The following ALPK1 variants were observed in gnomAD, a reference collection of about 807,000 sequenced individuals.
The protein encoded by ALPK1 is alpha-protein kinase 1.
Under a neutral mutation model 120.6 loss-of-function variants are expected in ALPK1, and 110 were observed. That is an observed-to-expected ratio of 0.91 (90% confidence interval 0.78 to 1.07). The LOEUF is 1.07. Among genes scored for constraint, ALPK1 ranks in the 50% least tolerant of loss-of-function variants. The pLI is 0.00. For missense variants in ALPK1, 1,498 were observed against 1,483.9 expected (o/e 1.01, Z -0.16); for synonymous variants, 582 against 560.3 (o/e 1.04, Z -0.55).
intron 12 of ALPK1, among the ~76,000 whole-genome samples, chr4:112,436,774 C>T (rs796531948): frequency 1.3e-4 from 20 of 152,218 alleles, no homozygotes; most frequent in African/African-American, 4.8e-4. Flanking sequence ...GTTATTTACG[C>T]CACCCAGTTT....
chr4:112,423,400 C>T (rs1195136819), intron 5 of ALPK1, among the ~76,000 whole-genome samples: 1 of 152,130 alleles, frequency 6.6e-6, no homozygotes, highest in Non-Finnish European at 1.5e-5. Flanking sequence ...TCATGTAGGG[C>T]TTAGAGGAAC....
At chr4:112,299,861 G>C (rs912344234) in intron 1 of ALPK1, among the ~76,000 whole-genome samples, 35 of 152,286 alleles carry the variant, frequency 2.3e-4, no homozygotes, top group African/African-American at 7.7e-4. Context: ...TAGAAAGGGT[G>C]AAATGTCTCA....
intron 2 of ALPK1, among the ~76,000 whole-genome samples, chr4:112,375,180 CTT>C (rs200078535): frequency 0.04 from 5,043 of 127,274 alleles, 80 homozygotes; most frequent in African/African-American, 0.047. Flanking sequence ...TGATGTTTTT[CTT>C]TTTTTTTTTT....
chr4:112,358,178 C>T, intron 2 of ALPK1: 1 of 622,434 alleles, frequency 1.6e-6, no homozygotes, highest in Non-Finnish European at 3.0e-6. Flanking sequence ...GGCCATCGGG[C>T]AAGTGATCTG....
At chr4:112,356,151 T>G in intron 2 of ALPK1, 1 of 1,604,690 alleles carries the variant, frequency 6.2e-7, no homozygotes, top group Non-Finnish European at 8.5e-7. Flanking sequence ...AAGATAGTCC[T>G]GAATGGTGTG....
intron 1 of ALPK1, among the ~76,000 whole-genome samples, chr4:112,310,191 A>G (rs1728330608): frequency 6.6e-6 from 1 of 152,098 alleles, no homozygotes; most frequent in African/African-American, 2.4e-5. Flanking sequence ...CTAGCTCACA[A>G]GTGAAATTTT....
At chr4:112,440,184 G>A (rs192982816) in intron 14 of ALPK1, among the ~76,000 whole-genome samples, 10 of 152,014 alleles carry the variant, frequency 6.6e-5, no homozygotes, top group African/African-American at 1.4e-4. Context: ...TGTATATTTC[G>A]TTGCATTTTT....
At chr4:112,344,252 C>G (rs1357866276) in intron 2 of ALPK1, among the ~76,000 whole-genome samples, 1 of 144,276 alleles carries the variant, frequency 6.9e-6, no homozygotes, top group African/African-American at 2.5e-5. Context: ...ACAAAACTCC[C>G]TCGCACTTGG....
intron 13 of ALPK1, among the ~76,000 whole-genome samples, chr4:112,438,999 T>A (rs565694067): frequency 6.6e-6 from 1 of 152,310 alleles, no homozygotes; most frequent in South Asian, 2.1e-4. Context: ...TCTATCTTTA[T>A]CTAACTTCTG....
At position 112,432,325 on chromosome 4, in the gene ALPK1, A is replaced by T; in HGVS notation, c.2778A>T (p.Ser926=). The change falls in exon 11 of 16, where the codon TCA becomes TCT. Residue 926 remains serine (S), a synonymous_variant. Transcript: ENST00000650871. Reference sequence around the variant, plus strand: ...TAAACTGCAGCCAGAACTCCAGCTCATCCTCAGTGTGGTGGCTGAAATCAC... The same window carrying T: ...TAAACTGCAGCCAGAACTCCAGCTCTTCCTCAGTGTGGTGGCTGAAATCAC... ...NMLNCSQNSS[S]SSVWWLKSPA... 2 of 1,614,204 alleles carry T rather than the reference A, an allele frequency of 1.2e-6. No homozygotes were observed. The highest frequency in any genetic ancestry group is 1.7e-6 in the Non-Finnish European group (2 of 1,180,030).
Position 112,431,363 on chromosome 4 carries a change from T to G in ALPK1, c.1816T>G (p.Ser606Ala). 6.2e-7 allele frequency: 1 copy of G among 1,614,198 alleles called. No homozygotes were observed. Among genetic ancestry groups the G allele is most frequent in the Non-Finnish European group, 8.5e-7 (1 of 1,180,040 alleles). The change falls in exon 11 of 16, where the codon TCA becomes GCA. Residue 606 changes from serine (S) to alanine (A), a missense_variant. Physicochemically the swap from Ser to Ala is moderately conservative, Grantham distance 99. Transcript: ENST00000650871. ...AGTGAATTATCACGTTGACGACAGGTCAGCCAGAAAAGAGCCTGGCAAAGA... is the reference window on the plus strand; with the variant it reads ...AGTGAATTATCACGTTGACGACAGGGCAGCCAGAAAAGAGCCTGGCAAAGA... ...EEVNYHVDDR[S>A]ARKEPGKEHL...
intron 4 of ALPK1, among the ~76,000 whole-genome samples, chr4:112,385,417 G>A (rs1046637731): frequency 5.3e-5 from 8 of 152,180 alleles, no homozygotes; most frequent in African/African-American, 1.7e-4. Flanking sequence ...GCAGCTCTAA[G>A]GGGCGCTGTC....
At chr4:112,377,392 A>G (rs1181636233) in intron 2 of ALPK1, among the ~76,000 whole-genome samples, 1 of 152,160 alleles carries the variant, frequency 6.6e-6, no homozygotes, top group Non-Finnish European at 1.5e-5. Flanking sequence ...CAGAAGATAA[A>G]TCATGCAGTA....
At chr4:112,297,674 G>A (rs1727599795) in intron 1 of ALPK1, among the ~76,000 whole-genome samples, 1 of 148,766 alleles carries the variant, frequency 6.7e-6, no homozygotes, top group South Asian at 2.2e-4. Flanking sequence ...GTGGAGTGGG[G>A]AAGGGGAGGG....
chr4:112,433,891 G>T (rs1044162551), intron 11 of ALPK1, among the ~76,000 whole-genome samples: 1 of 152,060 alleles, frequency 6.6e-6, no homozygotes, highest in African/African-American at 2.4e-5. Context: ...CATCTAATGG[G>T]TCTGGAGTGC....
At chr4:112,423,708 A>G (rs1450149888) in intron 5 of ALPK1, 3 of 651,498 alleles carry the variant, frequency 4.6e-6, no homozygotes, top group East Asian at 3.1e-5. Context: ...ATACATATGA[A>G]TCTAATTTTC....
intron 2 of ALPK1, among the ~76,000 whole-genome samples, chr4:112,362,235 C>CA (rs1730947487): frequency 6.6e-6 from 1 of 152,166 alleles, no homozygotes; most frequent in Non-Finnish European, 1.5e-5. Flanking sequence ...CAAACCAAGA[C>CA]AAAATCTCTG....
At chr4:112,438,109 G>C (rs917667615) in intron 12 of ALPK1, among the ~76,000 whole-genome samples, 5 of 152,196 alleles carry the variant, frequency 3.3e-5, no homozygotes, top group African/African-American at 9.6e-5. Flanking sequence ...GAAGGCTTCA[G>C]ATTGATGAAC....
intron 2 of ALPK1, among the ~76,000 whole-genome samples, chr4:112,333,934 G>GTT (rs139191739): frequency 3.4e-5 from 5 of 148,660 alleles, no homozygotes; most frequent in African/African-American, 1.2e-4. Flanking sequence ...TGTTTTTTGT[G>GTT]TTTTTTTTTG....
Sources: gnomAD v4.1 joint callset for allele counts (sites outside exome capture counted in the v4.1 genomes callset) on GRCh38, gnomAD v4.1.1 for gene constraint, MANE v1.5 for transcripts, NCBI Gene and HGNC (gene_info 2026-07-23, HGNC 2026-07-21) for gene names.